NOX4: variants seen among roughly 807,000 people sequenced by gnomAD.
NOX4 encodes NADPH oxidase 4.
In NOX4, 69 loss-of-function variants were observed where a neutral mutation model predicts 87.6. The ratio of observed to expected loss-of-function variants is 0.79; its 90% CI spans 0.65 to 0.96. The LOEUF is 0.96. Among genes scored for constraint, NOX4 ranks in the 40% least tolerant of loss-of-function variants. NOX4 has a pLI of 0.00. For missense variants in NOX4, 680 were observed against 681.5 expected (o/e 1.00, Z 0.02); for synonymous variants, 275 against 238.2 (o/e 1.15, Z -1.42).
At chr11:89,483,159 G>A (rs1946461342) in intron 2 of NOX4, among the ~76,000 whole-genome samples, 1 of 152,042 alleles carries the variant, frequency 6.6e-6, no homozygotes, top group South Asian at 2.1e-4. Flanking sequence ...AGGATTAAAT[G>A]AGATTATAAA....
intron 5 of NOX4, among the ~76,000 whole-genome samples, chr11:89,443,071 G>A (rs919991787): frequency 2.4e-4 from 36 of 152,160 alleles, no homozygotes; most frequent in African/African-American, 6.7e-4. Context: ...TCTCAGTGCT[G>A]GATGCACTCT....
chr11:89,462,029 A>AG (rs1329084677), intron 2 of NOX4, among the ~76,000 whole-genome samples: 1 of 152,068 alleles, frequency 6.6e-6, no homozygotes, highest in Non-Finnish European at 1.5e-5. Flanking sequence ...AAAGGAAGCA[A>AG]GGGAGGGTAA....
intron 1 of NOX4, chr11:89,490,817 C>T (rs1946820685): frequency 2.9e-6 from 2 of 698,670 alleles, no homozygotes; most frequent in African/African-American, 3.5e-5. Context: ...CCCTGCCGTA[C>T]AAAATGAGAT....
chr11:89,393,541 T>A (rs317154), intron 11 of NOX4, among the ~76,000 whole-genome samples: 4,045 of 152,234 alleles, frequency 0.027, 177 homozygotes, highest in African/African-American at 0.093. Flanking sequence ...CACATGCTCA[T>A]GTCTTGTACT....
At chr11:89,537,249 G>T in the NOX4 span, among the ~76,000 whole-genome samples, 10 of 152,040 alleles carry the variant, frequency 6.6e-5, no homozygotes, top group Non-Finnish European at 1.2e-4. Context: ...GTTCTAAAAT[G>T]ATGTTAAGCA....
intron 7 of NOX4, among the ~76,000 whole-genome samples, chr11:89,432,221 G>A (rs1291484635): frequency 3.3e-5 from 5 of 151,776 alleles, no homozygotes; most frequent in Non-Finnish European, 7.4e-5. Context: ...AGAGGGGGAG[G>A]GACAGCATTA....
intron 8 of NOX4, among the ~76,000 whole-genome samples, chr11:89,412,927 C>T (rs1942557244): frequency 6.6e-6 from 1 of 151,984 alleles, no homozygotes; most frequent in Non-Finnish European, 1.5e-5. Context: ...GCAAACTATC[C>T]ATCTGACAAG....
the NOX4 span, among the ~76,000 whole-genome samples, chr11:89,561,879 G>A: frequency 2.0e-5 from 3 of 152,102 alleles, no homozygotes; most frequent in African/African-American, 2.4e-5. Context: ...ATTGAGCAGC[G>A]GCCTTTGCTA....
intron 8 of NOX4, among the ~76,000 whole-genome samples, chr11:89,405,868 C>A (rs890305211): frequency 6.6e-6 from 1 of 151,852 alleles, no homozygotes; most frequent in Non-Finnish European, 1.5e-5. Context: ...CCCAGTTAGT[C>A]TGATTCCAAA....
the NOX4 span, among the ~76,000 whole-genome samples, chr11:89,519,557 A>G: frequency 6.6e-6 from 1 of 152,114 alleles, no homozygotes; most frequent in Non-Finnish European, 1.5e-5. Flanking sequence ...CCAACAAAAT[A>G]AATTAAGGGT....
rs115208528 is a variant in NOX4, at chr11:89,380,441, T to C, written c.1075-6949A>G. ...GCTTAAATCAACAATCAAAAGATGGTTGATTTAAGAGAATGAGAGGAAAGG... is the reference window on the plus strand; with the variant it reads ...GCTTAAATCAACAATCAAAAGATGGCTGATTTAAGAGAATGAGAGGAAAGG... On this transcript the variant is annotated intron_variant, in intron 11 of 17. Transcript: ENST00000263317. 9.1e-4 allele frequency among the ~76,000 whole-genome samples: 138 copies of C among 152,120 alleles called. 1 individual carries two copies. Among genetic ancestry groups the C allele is most frequent in the Middle Eastern group, 3.4e-3 (1 of 294 alleles).
chr11:89,413,639 A>C (rs1162541405), intron 8 of NOX4, among the ~76,000 whole-genome samples: 1 of 152,136 alleles, frequency 6.6e-6, no homozygotes, highest in Non-Finnish European at 1.5e-5. Flanking sequence ...GAACTCGTGA[A>C]GATAGAGAGT....
intron 13 of NOX4, among the ~76,000 whole-genome samples, chr11:89,353,403 T>C (rs1412941847): frequency 6.6e-6 from 1 of 152,156 alleles, no homozygotes; most frequent in Non-Finnish European, 1.5e-5. Context: ...CGAGGAAAGA[T>C]CCTCTACCAG....
At chr11:89,348,442 TA>T (rs969625698) in intron 13 of NOX4, among the ~76,000 whole-genome samples, 108 of 144,914 alleles carry the variant, frequency 7.5e-4, no homozygotes, top group African/African-American at 2.3e-3. Flanking sequence ...CCTATGTCTC[TA>T]AAAAAAAAAC....
chr11:89,586,905 G>C, the NOX4 span, among the ~76,000 whole-genome samples: 32 of 152,142 alleles, frequency 2.1e-4, no homozygotes, highest in Non-Finnish European at 4.1e-4. Flanking sequence ...AAAGGACTGG[G>C]AGTGTTAGGA....
upstream of NOX4, among the ~76,000 whole-genome samples, chr11:89,494,979 G>A (rs1946933202): frequency 6.6e-6 from 1 of 152,162 alleles, no homozygotes; most frequent in African/African-American, 2.4e-5. Flanking sequence ...ATCTCGCTGT[G>A]TCACCCAAGC....
chr11:89,491,391 C>T (rs922222252), upstream of NOX4: 4 of 726,884 alleles, frequency 5.5e-6, no homozygotes, highest in East Asian at 9.5e-5. Context: ...CCCGAAGGCC[C>T]GGCGCCGAGC....
In NOX4 at chr11:89,373,438, A is replaced by T; in HGVS notation, c.1129T>A (p.Trp377Arg). The T allele has an allele frequency of 6.3e-7, 1 of 1,580,238 alleles. No homozygotes were observed. Among genetic ancestry groups the T allele is most frequent in the Non-Finnish European group, 8.7e-7 (1 of 1,150,414 alleles). ...FGVHLKIVGD[W>R]TERFRDLLLP... ...AACTGTATGTTCTACATACCTGTCC[A>T]GTCTCCTACTATTTTAAGATGAACC... Residue 377 changes from tryptophan (W) to arginine (R), a missense_variant, in exon 12 of 18, where the codon TGG (tryptophan) becomes AGG (arginine). Transcript: ENST00000263317.
the NOX4 span, among the ~76,000 whole-genome samples, chr11:89,542,028 C>T: frequency 1.3e-5 from 2 of 151,972 alleles, no homozygotes; most frequent in Non-Finnish European, 2.9e-5. Context: ...CCAGGCTGGT[C>T]TCTAACTCCT....
Sources: allele counts gnomAD v4.1 joint callset (sites outside exome capture counted in the v4.1 genomes callset), GRCh38; gene constraint gnomAD v4.1.1; transcripts MANE v1.5; gene names NCBI Gene and HGNC (gene_info 2026-07-23, HGNC 2026-07-21).